BLTP1: variants seen among roughly 807,000 people sequenced by gnomAD.
The protein encoded by BLTP1 is bridge-like lipid transfer protein family member 1, also known as fragile site-associated protein.
At chr4:122,219,542 A>G in the BLTP1 span, 3 of 1,613,916 alleles carry the variant, frequency 1.9e-6, no homozygotes, top group East Asian at 2.2e-5. Flanking sequence ...GTTAATTTGT[A>G]CAAAGTTCAT....
At chr4:122,158,004 C>G in the BLTP1 span, among the ~76,000 whole-genome samples, 3 of 152,134 alleles carry the variant, frequency 2.0e-5, no homozygotes, top group African/African-American at 7.2e-5. Flanking sequence ...GTGAGGGTTC[C>G]TGATCCAAGT....
At chr4:122,293,112 G>C in the BLTP1 span, 7 of 958,816 alleles carry the variant, frequency 7.3e-6, no homozygotes, top group Admixed American at 6.2e-5. Flanking sequence ...GCTTAATCAA[G>C]TATAGAGGAT....
chr4:122,186,999 C>A, the BLTP1 span: 1 of 984,714 alleles, frequency 1.0e-6, no homozygotes, highest in South Asian at 4.7e-5. Context: ...AGAGGAGCAA[C>A]TGGATTGTTT....
the BLTP1 span, among the ~76,000 whole-genome samples, chr4:122,332,621 A>G: frequency 7.9e-5 from 9 of 113,470 alleles, no homozygotes; most frequent in Non-Finnish European, 1.4e-4. Flanking sequence ...TGTAAAAATA[A>G]AAGTTTGCTT....
the BLTP1 span, among the ~76,000 whole-genome samples, chr4:122,335,895 T>C: frequency 1.9e-4 from 29 of 152,092 alleles, no homozygotes; most frequent in African/African-American, 6.8e-4. Context: ...CTCTATATCT[T>C]CTTAAATGGA....
chr4:122,360,813 AAAT>A, the BLTP1 span, among the ~76,000 whole-genome samples: 19 of 88,078 alleles, frequency 2.2e-4, no homozygotes, highest in African/African-American at 9.7e-4. Flanking sequence ...TTGCAAATTT[AAAT>A]AATAATGTAT....
At chr4:122,340,202 C>G in the BLTP1 span, among the ~76,000 whole-genome samples, 1 of 152,052 alleles carries the variant, frequency 6.6e-6, no homozygotes, top group Admixed American at 6.6e-5. Flanking sequence ...AGAAGAGAAA[C>G]CAGAGATGCT....
At chr4:122,342,995 T>G in the BLTP1 span, among the ~76,000 whole-genome samples, 3 of 152,232 alleles carry the variant, frequency 2.0e-5, no homozygotes, top group Non-Finnish European at 2.9e-5. Flanking sequence ...TACCTTGCCC[T>G]GTTTCCACTG....
At chr4:122,221,848 A>T in the BLTP1 span, 2 of 983,648 alleles carry the variant, frequency 2.0e-6, no homozygotes, top group African/African-American at 3.5e-5. Context: ...AGAAACTTAG[A>T]TGACTATCCC....
At chr4:122,175,986 TTAGATATGACCAG>T in the BLTP1 span, 1 of 826,286 alleles carries the variant, frequency 1.2e-6, no homozygotes, top group East Asian at 2.5e-5. Flanking sequence ...CTAATTAAAA[TTAGATATGACCAG>T]TTAGAAAAGT....
chr4:122,184,854 G>T, the BLTP1 span: 1 of 984,584 alleles, frequency 1.0e-6, no homozygotes, highest in Non-Finnish European at 1.2e-6. Context: ...CTTATCTAAT[G>T]AACAGCTGCT....
chr4:122,243,141 A>G, the BLTP1 span: 17 of 1,392,640 alleles, frequency 1.2e-5, no homozygotes, highest in East Asian at 3.7e-4. Flanking sequence ...CTGAATAATA[A>G]TCATTCTTTA....
chr4:122,296,131 T>C, the BLTP1 span, among the ~76,000 whole-genome samples: 1 of 152,158 alleles, frequency 6.6e-6, no homozygotes, highest in South Asian at 2.1e-4. Context: ...GGAAGAGAAG[T>C]CAAATTATCT....
At chr4:122,350,580 A>C in the BLTP1 span, among the ~76,000 whole-genome samples, 1 of 152,192 alleles carries the variant, frequency 6.6e-6, no homozygotes, top group Non-Finnish European at 1.5e-5. Flanking sequence ...TACTAACTAA[A>C]TATATAAGAT....
the BLTP1 span, chr4:122,271,654 T>A: frequency 6.2e-7 from 1 of 1,610,534 alleles, no homozygotes; most frequent in Non-Finnish European, 8.5e-7. Flanking sequence ...ATAAATTGCT[T>A]AACTTCTATT....
the BLTP1 span, chr4:122,257,309 AGGCAGTGGATGAAGTTT>A: frequency 6.2e-7 from 1 of 1,613,772 alleles, no homozygotes. Context: ...TGCACTGGCA[AGGCAGTGGATGAAGTTT>A]ATTGTGGTGA....
At chr4:122,309,256 T>C in the BLTP1 span, 1 of 1,603,610 alleles carries the variant, frequency 6.2e-7, no homozygotes, top group South Asian at 1.1e-5. Context: ...TTCTTTAATA[T>C]ATTTTGCAGT....
the BLTP1 span, chr4:122,260,090 A>G: frequency 6.5e-4 from 134 of 206,752 alleles, no homozygotes; most frequent in African/African-American, 2.9e-3. Context: ...AACCTAGATG[A>G]TGGTACAGCC....
the BLTP1 span, chr4:122,263,113 A>C: frequency 7.9e-6 from 11 of 1,385,810 alleles, no homozygotes; most frequent in Middle Eastern, 2.6e-4. Flanking sequence ...TTTGAGAAAA[A>C]ATTTTAGGAA....
Sources: gnomAD v4.1 joint callset for allele counts (sites outside exome capture counted in the v4.1 genomes callset) on GRCh38, gnomAD v4.1.1 for gene constraint, MANE v1.5 for transcripts, NCBI Gene and HGNC (gene_info 2026-07-23, HGNC 2026-07-21) for gene names.